WBP2NL: variants seen among roughly 807,000 people sequenced by gnomAD.
The protein encoded by WBP2NL is WBP2 N-terminal like, also known as postacrosomal sheath WW domain-binding protein.
WBP2NL carries 27 observed loss-of-function variants against 23.3 expected under a neutral mutation model. The ratio of observed to expected loss-of-function variants is 1.16; its 90% CI spans 0.85 to 1.60. WBP2NL has a LOEUF of 1.60. Ranked by LOEUF, WBP2NL falls within the 40% of genes most tolerant of loss-of-function variation. The pLI, the probability that WBP2NL is intolerant of heterozygous loss-of-function variation, is 0.00. For synonymous variants in WBP2NL, 151 were observed against 145.9 expected, an observed-to-expected ratio of 1.03 and a Z score of -0.25; for missense variants, 370 against 389.5, an observed-to-expected ratio of 0.95 and a Z score of 0.42.
chr22:42,058,133 G>T (rs1439488477), intron 8 of WBP2NL, among the ~76,000 whole-genome samples: 1 of 150,860 alleles, frequency 6.6e-6, no homozygotes, highest in Non-Finnish European at 1.5e-5. Flanking sequence ...AGCCAGGATG[G>T]TCTCAATCTC....
chr22:42,018,491 G>T (rs1923556393), intron 1 of WBP2NL, among the ~76,000 whole-genome samples: 1 of 151,508 alleles, frequency 6.6e-6, no homozygotes, highest in African/African-American at 2.4e-5. Context: ...AAGAAAAAGA[G>T]AAAGAAAGAA....
At chr22:42,000,997 A>G in intron 1 of WBP2NL, 8 of 533,870 alleles carry the variant, frequency 1.5e-5, no homozygotes, top group Non-Finnish European at 2.3e-5. Flanking sequence ...CGTCTCAAAA[A>G]AAAAGAATGC....
chr22:42,004,579 T>C (rs1922026907), intron 1 of WBP2NL, among the ~76,000 whole-genome samples: 1 of 152,036 alleles, frequency 6.6e-6, no homozygotes, highest in Non-Finnish European at 1.5e-5. Context: ...CCAGCCTGGG[T>C]GACAGAGTGA....
At chr22:42,032,163 G>A (rs999912977), downstream of WBP2NL, 1 of 152,196 alleles carries the variant, frequency 6.6e-6, no homozygotes, top group African/African-American at 2.4e-5. Context: ...CCAAGATGCT[G>A]AGAAGTTTCT....
At chr22:42,050,889 T>A (rs1038336995) in intron 8 of WBP2NL, among the ~76,000 whole-genome samples, 4 of 152,204 alleles carry the variant, frequency 2.6e-5, no homozygotes, top group African/African-American at 7.2e-5. Flanking sequence ...CGTTCATTGC[T>A]TCCTGGGAGT....
chr22:42,037,873 G>A (rs1925248372), downstream of WBP2NL, among the ~76,000 whole-genome samples: 1 of 151,874 alleles, frequency 6.6e-6, no homozygotes, highest in Non-Finnish European at 1.5e-5. Flanking sequence ...GTGTGTGTGT[G>A]TGTGTGTGTT....
intron 1 of WBP2NL, among the ~76,000 whole-genome samples, chr22:42,008,088 C>A (rs959628366): frequency 7.3e-5 from 9 of 123,784 alleles, no homozygotes; most frequent in Non-Finnish European, 1.7e-5. Context: ...CTCTTCTCCT[C>A]TTCCTTTCCT....
intron 1 of WBP2NL, among the ~76,000 whole-genome samples, chr22:42,008,774 A>AT (rs1042379305): frequency 2.7e-5 from 4 of 148,750 alleles, no homozygotes; most frequent in African/African-American, 1.0e-4. Context: ...CACCTGGCTA[A>AT]TTTTTTTTAT....
chr22:42,024,141 TC>T (rs1924250694), intron 5 of WBP2NL, among the ~76,000 whole-genome samples: 1 of 152,250 alleles, frequency 6.6e-6, no homozygotes, highest in Non-Finnish European at 1.5e-5. Context: ...TTTTTGAGGT[TC>T]CTCCAAGTTG....
rs1569443512 is a variant in WBP2NL at position 41,998,831 on chromosome 22, C to CAGAGCCACACCG, written c.17_28dup (p.Ser6_Glu9dup). ...GGCCCGAAGCAAGATGGCGGTGAAT[C>CAGAGCCACACCG]AGAGCCACACCGAGAACCGCCGCGG... is the stretch of plus-strand genomic sequence containing the variant. On this transcript the variant is annotated inframe_insertion, in exon 1 of 6. Coordinates refer to ENST00000328823, the MANE Select transcript of WBP2NL (RefSeq NM_152613.3). 1.9e-6 allele frequency: 3 copies of CAGAGCCACACCG among 1,611,204 alleles called. No homozygotes were observed. The highest frequency in any genetic ancestry group is 2.5e-6 in the Non-Finnish European group (3 of 1,178,310).
chr22:42,057,873 A>G (rs57575095), intron 8 of WBP2NL, among the ~76,000 whole-genome samples: 108 of 11,492 alleles, frequency 9.4e-3, no homozygotes, highest in African/African-American at 0.038. Flanking sequence ...GTGTATGTAT[A>G]TATATATATA....
chr22:42,011,950 T>TG (rs1901453407), intron 1 of WBP2NL, among the ~76,000 whole-genome samples: 1 of 151,848 alleles, frequency 6.6e-6, no homozygotes, highest in South Asian at 2.1e-4. Flanking sequence ...TTTTTTTGAA[T>TG]GTTTATACTA....
At chr22:42,053,709 C>T (rs1291162937) in intron 8 of WBP2NL, among the ~76,000 whole-genome samples, 2 of 152,048 alleles carry the variant, frequency 1.3e-5, no homozygotes, top group Admixed American at 6.6e-5. Flanking sequence ...CCACCTGCCT[C>T]GGCCTCCCAA....
downstream of WBP2NL, among the ~76,000 whole-genome samples, chr22:42,037,128 TTGTGTGTG>T (rs3045493): frequency 4.8e-3 from 715 of 147,932 alleles, 10 homozygotes; most frequent in East Asian, 0.015. Context: ...CAGATTTCAT[TTGTGTGTG>T]TGTGTGTGTG....
intron 8 of WBP2NL, among the ~76,000 whole-genome samples, chr22:42,041,237 G>T (rs1311265163): frequency 6.6e-6 from 1 of 152,106 alleles, no homozygotes; most frequent in African/African-American, 2.4e-5. Context: ...CCAGCACTTT[G>T]GGAGGGGAGG....
At chr22:42,001,572 G>C in intron 1 of WBP2NL, 1 of 1,134,986 alleles carries the variant, frequency 8.8e-7, no homozygotes, top group South Asian at 1.3e-5. Flanking sequence ...AAATCAAGAG[G>C]GTACACAAAA....
At chr22:42,033,206 G>A (rs1925054998), downstream of WBP2NL, among the ~76,000 whole-genome samples, 1 of 152,158 alleles carries the variant, frequency 6.6e-6, no homozygotes, top group Non-Finnish European at 1.5e-5. Flanking sequence ...TACCAGCATG[G>A]GCACCAGCTC....
intron 1 of WBP2NL, among the ~76,000 whole-genome samples, chr22:42,007,322 G>C (rs1182249923): frequency 2.0e-5 from 3 of 151,918 alleles, no homozygotes; most frequent in Non-Finnish European, 2.9e-5. Flanking sequence ...ATGTTTCTTT[G>C]GGATAGGGGA....
chr22:42,003,158 CAAAAA>C, intron 1 of WBP2NL: 1 of 139,434 alleles, frequency 7.2e-6, no homozygotes, highest in African/African-American at 2.7e-5. Flanking sequence ...AACTCCATCT[CAAAAA>C]AAAAAAAAAA....
Sources: gnomAD v4.1 joint callset for allele counts (sites outside exome capture counted in the v4.1 genomes callset) on GRCh38, gnomAD v4.1.1 for gene constraint, MANE v1.5 for transcripts, NCBI Gene and HGNC (gene_info 2026-07-23, HGNC 2026-07-21) for gene names.